Variants in GABRB3 observed in about 807,000 individuals in gnomAD.
The protein encoded by GABRB3 is gamma-aminobutyric acid type A receptor subunit beta3.
GABRB3 carries 14 observed loss-of-function variants against 52.1 expected under a neutral mutation model. The observed-to-expected ratio is 0.27, with a 90% CI of 0.18 to 0.42. The LOEUF (loss-of-function observed/expected upper bound fraction) is 0.42. Ranked by LOEUF, GABRB3 falls within the 10% of genes least tolerant of loss-of-function variation. The pLI, the probability that GABRB3 is intolerant of heterozygous loss-of-function variation, is 1.00. For missense variants in GABRB3, 307 were observed against 609.1 expected (o/e 0.50, Z 5.22); for synonymous variants, 260 against 232.3 (o/e 1.12, Z -1.08).
chr15:26,648,850 G>A (rs949435148), intron 3 of GABRB3, among the ~76,000 whole-genome samples: 2 of 152,160 alleles, frequency 1.3e-5, no homozygotes, highest in African/African-American at 4.8e-5. Context: ...AGCAGCAGGT[G>A]GGTGGACAGA....
chr15:26,612,576 G>C (rs1892110519), intron 4 of GABRB3: 1 of 152,154 alleles, frequency 6.6e-6, no homozygotes, highest in East Asian at 1.9e-4. Context: ...TTAGCAGTCA[G>C]TGGAGTAAAT....
intron 3 of GABRB3, among the ~76,000 whole-genome samples, chr15:26,717,708 A>G (rs1889533164): frequency 6.6e-6 from 1 of 152,074 alleles, no homozygotes; most frequent in South Asian, 2.1e-4. Flanking sequence ...AGGGGTACTG[A>G]TTTTGTTTTC....
At chr15:26,757,635 A>C (rs997181270) in intron 3 of GABRB3, among the ~76,000 whole-genome samples, 3 of 152,224 alleles carry the variant, frequency 2.0e-5, no homozygotes, top group African/African-American at 7.2e-5. Flanking sequence ...GTACAAGAAT[A>C]CACTAATCAA....
At chr15:26,679,118 A>G (rs751199647) in intron 3 of GABRB3, among the ~76,000 whole-genome samples, 8 of 152,140 alleles carry the variant, frequency 5.3e-5, no homozygotes, top group Non-Finnish European at 1.2e-4. Flanking sequence ...TGAAACCAAC[A>G]CTTCAGTCAT....
chr15:26,634,525 A>C (rs1892993240), intron 3 of GABRB3, among the ~76,000 whole-genome samples: 1 of 152,156 alleles, frequency 6.6e-6, no homozygotes, highest in African/African-American at 2.4e-5. Flanking sequence ...TGATGTCGCC[A>C]TGGCAACGGA....
intron 3 of GABRB3, among the ~76,000 whole-genome samples, chr15:26,706,405 T>C (rs1033349294): frequency 1.3e-4 from 20 of 151,066 alleles, no homozygotes; most frequent in African/African-American, 4.4e-4. Context: ...ACCTAGGTAA[T>C]AGTCACTTAG....
chr15:26,585,522 G>T (rs1448173495), intron 4 of GABRB3, among the ~76,000 whole-genome samples: 1 of 151,564 alleles, frequency 6.6e-6, no homozygotes, highest in Non-Finnish European at 1.5e-5. Flanking sequence ...TTAGCATCTG[G>T]TTAAGCAAGC....
chr15:26,627,027 G>C (rs528937010), intron 3 of GABRB3, among the ~76,000 whole-genome samples: 7 of 152,290 alleles, frequency 4.6e-5, no homozygotes, highest in Non-Finnish European at 1.0e-4. Flanking sequence ...CTTGCTAGGG[G>C]CTAATTGCAG....
At chr15:26,617,807 T>A (rs1362580768) in intron 4 of GABRB3, among the ~76,000 whole-genome samples, 1 of 152,024 alleles carries the variant, frequency 6.6e-6, no homozygotes, top group Non-Finnish European at 1.5e-5. Flanking sequence ...GATAAGCAAC[T>A]TCAGCAAAGT....
intron 3 of GABRB3, among the ~76,000 whole-genome samples, chr15:26,696,105 G>C (rs1475747853): frequency 6.6e-6 from 1 of 152,210 alleles, no homozygotes; most frequent in African/African-American, 2.4e-5. Flanking sequence ...TACATTCTTT[G>C]AGGTCTCTTC....
At chr15:26,651,016 G>A (rs1887180727) in intron 3 of GABRB3, among the ~76,000 whole-genome samples, 1 of 152,126 alleles carries the variant, frequency 6.6e-6, no homozygotes. Flanking sequence ...CATTCTTCTT[G>A]GATGCCAGAC....
chr15:26,686,614 G>C (rs1000663486), intron 3 of GABRB3, among the ~76,000 whole-genome samples: 1 of 152,206 alleles, frequency 6.6e-6, no homozygotes. Context: ...ATAGCTCATG[G>C]AAATATACCC....
At chr15:26,767,998 A>G (rs956031079) in intron 3 of GABRB3, among the ~76,000 whole-genome samples, 5 of 151,554 alleles carry the variant, frequency 3.3e-5, no homozygotes, top group African/African-American at 1.2e-4. Context: ...GTTCATATGC[A>G]CACTTATTTC....
intron 7 of GABRB3, among the ~76,000 whole-genome samples, chr15:26,561,697 A>T (rs1288259539): frequency 2.0e-5 from 3 of 152,212 alleles, no homozygotes; most frequent in Non-Finnish European, 4.4e-5. Flanking sequence ...TACAATGCTT[A>T]TTGGAAGCAA....
At position 26,720,952 on chromosome 15, in the gene GABRB3, G is replaced by T. The variant is rs929078610; in HGVS notation, c.240+51450C>A. On this transcript the variant is annotated intron_variant, in intron 3 of 8. Coordinates refer to ENST00000311550, the MANE Select transcript of GABRB3 (RefSeq NM_000814.6). ...TGGCCCAAATAAGGCACTCAAAGGG[G>T]ATGCAAACAAGATCCTGCAGGGGTG... 1.3e-5 allele frequency among the ~76,000 whole-genome samples: 2 copies of T among 152,142 alleles called. 1 individual carries two copies.
At chr15:26,719,197 C>G (rs529788595) in intron 3 of GABRB3, among the ~76,000 whole-genome samples, 1 of 152,236 alleles carries the variant, frequency 6.6e-6, no homozygotes, top group Non-Finnish European at 1.5e-5. Context: ...TTTGGCATAG[C>G]GCTAGGCACA....
At chr15:26,738,112 T>TG (rs1313472222) in intron 3 of GABRB3, among the ~76,000 whole-genome samples, 3 of 152,108 alleles carry the variant, frequency 2.0e-5, no homozygotes, top group African/African-American at 7.2e-5. Flanking sequence ...TTTTTTGAGA[T>TG]GGAGTTGTCG....
intron 3 of GABRB3, among the ~76,000 whole-genome samples, chr15:26,623,529 A>G (rs957468579): frequency 7.3e-6 from 1 of 136,966 alleles, no homozygotes; most frequent in Non-Finnish European, 1.7e-5. Flanking sequence ...CCACACCCCA[A>G]CCATCTCTTT....
chr15:26,711,130 C>A (rs1025918256), intron 3 of GABRB3, among the ~76,000 whole-genome samples: 1 of 152,182 alleles, frequency 6.6e-6, no homozygotes, highest in African/African-American at 2.4e-5. Context: ...CAAATGGATT[C>A]CACCATCTTC....
Sources: allele counts gnomAD v4.1 joint callset (sites outside exome capture counted in the v4.1 genomes callset), GRCh38; gene constraint gnomAD v4.1.1; transcripts MANE v1.5; gene names NCBI Gene and HGNC (gene_info 2026-07-23, HGNC 2026-07-21).